The following PRR15 variants were observed in gnomAD, a reference collection of about 807,000 sequenced individuals.
PRR15 encodes proline rich 15.
PRR15 carries 4 observed loss-of-function variants against 3.0 expected under a neutral mutation model. The observed-to-expected ratio is 1.34, with a 90% CI of 0.66 to 3.08. The LOEUF is 3.08. Among genes scored for constraint, PRR15 ranks in the 30% most tolerant of loss-of-function variants. PRR15 has a pLI of 0.01. For synonymous variants in PRR15, 82 were observed against 79.8 expected (o/e 1.03, Z -0.14); for missense variants, 200 against 179.5 (o/e 1.11, Z -0.65).
intron 1 of PRR15, 43 bp from the exon 2 acceptor site, chr7:29,566,142 G>C (rs1467373190): frequency 2.9e-6 from 2 of 683,470 alleles, no homozygotes; most frequent in Non-Finnish European, 4.8e-6. Flanking sequence ...GGGGGCACGT[G>C]ACTTCAACCA....
chr7:29,566,366 T>C lies in PRR15; in HGVS notation c.37T>C (p.Trp13Arg). 1 of 1,609,962 alleles carries C rather than the reference T, an allele frequency of 6.2e-7. No individual in the cohort carries two copies. The highest frequency in any genetic ancestry group is 8.5e-7 in the Non-Finnish European group (1 of 1,179,510). Residue 13 changes from tryptophan (W) to arginine (R), a missense_variant, in exon 2 of 2, where the codon TGG becomes CGG. Transcript: ENST00000319694. The part of the protein sequence containing the change: ...DSGDAGSSGP[W>R]WKSLTNSRKK... ...CGGCGATGCTGGCAGCTCCGGCCCC[T>C]GGTGGAAATCGCTCACCAACAGCAG...
rs1208995753 is a variant in PRR15, at chr7:29,566,469, C to T, written c.140C>T (p.Pro47Leu). The T allele has an allele frequency of 3.8e-6, 6 of 1,599,228 alleles. No homozygotes were observed. Among genetic ancestry groups the T allele is most frequent in the Non-Finnish European group, 5.1e-6 (6 of 1,173,260 alleles). Reference protein sequence around the residue: ...PAPGEPTPPAPPSPDWTSSSR... With the variant: ...PAPGEPTPPALPSPDWTSSSR... Reference sequence around the variant, plus strand: ...CCCGGGGAGCCCACGCCACCTGCGCCGCCCAGCCCGGACTGGACCAGCAGC... The same window carrying T: ...CCCGGGGAGCCCACGCCACCTGCGCTGCCCAGCCCGGACTGGACCAGCAGC... Residue 47 changes from proline (P) to leucine (L), a missense_variant, in exon 2 of 2, where the codon CCG (proline) becomes CTG (leucine). Pro to Leu is a moderately conservative substitution (Grantham distance 98). Coordinates refer to ENST00000319694, the MANE Select transcript of PRR15 (RefSeq NM_175887.3).
At chr7:29,565,500 C>T (rs1298735104) in intron 1 of PRR15, 1 of 152,192 alleles carries the variant, frequency 6.6e-6, no homozygotes, top group African/African-American at 2.4e-5. Context: ...TAAGTCTAGA[C>T]ATGCTTCTTT....
Position 29,566,983 on chromosome 7 carries a change from T to A in PRR15, c.*264T>A. 4.4e-6 allele frequency: 1 copy of A among 229,348 alleles called. No homozygotes were observed. The highest frequency in any genetic ancestry group is 7.2e-6 in the Non-Finnish European group (1 of 139,184). 14.2% of individuals were successfully genotyped at this position (229,348 alleles called of 1,614,324 possible). Reference sequence around the variant, plus strand: ...CCGCGGAGGAGGGTGGCATAATTATTTTTTTTTCAAAAAGCTATTCTGGGG... The same window carrying A: ...CCGCGGAGGAGGGTGGCATAATTATATTTTTTTCAAAAAGCTATTCTGGGG... On this transcript the variant is annotated 3_prime_UTR_variant, in exon 2 of 2. Coordinates refer to ENST00000319694, the MANE Select transcript of PRR15 (RefSeq NM_175887.3).
intron 1 of PRR15, chr7:29,565,608 CTAAG>C (rs1390022291): frequency 6.6e-6 from 1 of 152,210 alleles, no homozygotes; most frequent in African/African-American, 2.4e-5. Context: ...ATAAATTCTC[CTAAG>C]TATCTCATCG....
rs1456341837 is a variant in PRR15 at position 29,566,732 on chromosome 7, G to C, written c.*13G>C. ...GGACAAGCAGTAGCCCCAATAGCCTGCGCGCTCCAGGACTGCCTACCCAGC... is the reference window on the plus strand; with the variant it reads ...GGACAAGCAGTAGCCCCAATAGCCTCCGCGCTCCAGGACTGCCTACCCAGC... On this transcript the variant is annotated 3_prime_UTR_variant, in exon 2 of 2. Coordinates refer to ENST00000319694, the MANE Select transcript of PRR15 (RefSeq NM_175887.3). The C allele has an allele frequency of 6.5e-7, 1 of 1,538,536 alleles. No individual in the cohort carries two copies.
intron 1 of PRR15, 57 bp from the exon 2 acceptor site, chr7:29,566,127 CT>C (rs1792896053): frequency 6.3e-6 from 4 of 634,234 alleles, no homozygotes; most frequent in African/African-American, 1.9e-5. Context: ...GGAAAGGGGA[CT>C]GGGGGGGGCA....
At chr7:29,564,952 C>A (rs1375658923) in intron 1 of PRR15, among the ~76,000 whole-genome samples, 1 of 152,234 alleles carries the variant, frequency 6.6e-6, no homozygotes, top group Admixed American at 6.5e-5. Flanking sequence ...GGAGGAGAAC[C>A]TCCTACAACA....
rs1287685849 is a variant in PRR15 at position 29,566,470 on chromosome 7, G to C, written c.141G>C (p.Pro47=). 1 of 1,598,606 alleles carries C rather than the reference G, an allele frequency of 6.3e-7. No individual in the cohort carries two copies. Among genetic ancestry groups the C allele is most frequent in the South Asian group, 1.1e-5 (1 of 89,476 alleles). ...PAPGEPTPPA[P]PSPDWTSSSR... ...CCGGGGAGCCCACGCCACCTGCGCC[G>C]CCCAGCCCGGACTGGACCAGCAGCT... Residue 47 remains proline, a synonymous_variant, in exon 2 of 2, where the codon CCG becomes CCC. Coordinates refer to ENST00000319694, the MANE Select transcript of PRR15 (RefSeq NM_175887.3).
At position 29,566,307 on chromosome 7, in the gene PRR15, G is replaced by T; in HGVS notation, c.-23G>T. 1 of 1,587,590 alleles carries T rather than the reference G, an allele frequency of 6.3e-7. No individual in the cohort carries two copies. Among genetic ancestry groups the T allele is most frequent in the South Asian group, 1.1e-5 (1 of 88,530 alleles). On this transcript the variant is annotated 5_prime_UTR_variant, in exon 2 of 2. Transcript: ENST00000319694. ...GCTTTGGCCCTTCCATCTGGGTGCC[G>T]GGAGCCCCTAGGCCCTCCGGCCATG...
In PRR15 at chr7:29,566,524, C is replaced by A. The variant is rs540100974; in HGVS notation, c.195C>A (p.Leu65=). Residue 65 remains leucine (L), a synonymous_variant, in exon 2 of 2, where the codon CTC becomes CTA. Coordinates refer to ENST00000319694, the MANE Select transcript of PRR15 (RefSeq NM_175887.3). ...SSRENQHPNL[L]GGAGEPPKPD... ...GGGAGAACCAGCACCCCAATCTCCT[C>A]GGGGGCGCCGGCGAGCCCCCCAAAC... The A allele has an allele frequency of 1.2e-5, 19 of 1,604,814 alleles. No homozygotes were observed. The highest frequency in any genetic ancestry group is 1.6e-5 in the Non-Finnish European group (19 of 1,176,060).
rs765890507 is a variant in PRR15, at chr7:29,566,510, CA to C, written c.182del (p.His61ProfsTer29). ...DWTSSSRENQ[H>X]PNLLGGAGEP... ...GACCAGCAGCTCCCGGGAGAACCAG[CA>C]CCCCAATCTCCTCGGGGGCGCCGGC... is the stretch of plus-strand genomic sequence containing the variant. On this transcript the variant is annotated frameshift_variant, in exon 2 of 2. Transcript: ENST00000319694. LOFTEE classifies it high-confidence loss of function. 2.0e-5 allele frequency: 32 copies of C among 1,602,912 alleles called. No individual in the cohort carries two copies. Among genetic ancestry groups the C allele is most frequent in the Non-Finnish European group, 2.7e-5 (32 of 1,175,014 alleles).
In PRR15 at chr7:29,563,959, C is replaced by T. The variant is rs1301161058; in HGVS notation, c.-564C>T. 3 of 152,288 alleles carry T rather than the reference C, an allele frequency of 2.0e-5. No homozygotes were observed. Among genetic ancestry groups the T allele is most frequent in the Non-Finnish European group, 2.9e-5 (2 of 68,082 alleles). 9.4% of individuals were successfully genotyped at this position (152,288 alleles called of 1,614,324 possible). Reference sequence around the variant, plus strand: ...GGACGCGTAGGCAAGTTCGATGCGCCGGAGTGAACAGCCAGGGTCCCATCT... The same window carrying T: ...GGACGCGTAGGCAAGTTCGATGCGCTGGAGTGAACAGCCAGGGTCCCATCT... On this transcript the variant is annotated 5_prime_UTR_variant, in exon 1 of 2. Coordinates refer to ENST00000319694, the MANE Select transcript of PRR15 (RefSeq NM_175887.3).
At position 29,564,248 on chromosome 7, in the gene PRR15, A is replaced by T. The variant is rs1476682784; in HGVS notation, c.-275A>T. The T allele has an allele frequency of 6.6e-6, 1 of 152,234 alleles. No individual in the cohort carries two copies. The highest frequency in any genetic ancestry group is 1.5e-5 in the Non-Finnish European group (1 of 68,074). The allele number at this position is 152,234 out of a possible 1,614,324, so 9.4% of individuals were successfully genotyped here. On this transcript the variant is annotated 5_prime_UTR_variant, in exon 1 of 2. Coordinates refer to ENST00000319694, the MANE Select transcript of PRR15 (RefSeq NM_175887.3). ...GAATTCCGACCTGTACACTTTCCAG[A>T]AGCCTGATCTCTCCAAGTCCGCGCC...
In PRR15 at chr7:29,566,833, C is replaced by T. The variant is rs1792923474; in HGVS notation, c.*114C>T. ...ACGCGTTGTCTCATTCCACCAAATT[C>T]AGAATATTTACACAATGCCTTCATG... On this transcript the variant is annotated 3_prime_UTR_variant, in exon 2 of 2. Transcript: ENST00000319694. The T allele has an allele frequency of 1.9e-6, 2 of 1,062,804 alleles. No homozygotes were observed. The highest frequency in any genetic ancestry group is 1.8e-5 in the South Asian group (1 of 55,142). 65.8% of individuals were successfully genotyped at this position (1,062,804 alleles called of 1,614,324 possible). A position where few individuals can be genotyped will look rare whatever the true frequency, so the allele number is the denominator to read the frequency against.
intron 1 of PRR15, among the ~76,000 whole-genome samples, chr7:29,565,240 G>T (rs191237719): frequency 7.1e-4 from 108 of 152,350 alleles, no homozygotes; most frequent in Middle Eastern, 6.8e-3. Context: ...GTTCCTTGTT[G>T]CGTTCTTTCT....
chr7:29,564,589 C>A (rs565284315), intron 1 of PRR15, among the ~76,000 whole-genome samples: 1 of 152,288 alleles, frequency 6.6e-6, no homozygotes, highest in East Asian at 1.9e-4. Flanking sequence ...TCCGTGCTCA[C>A]AAAGTTGATG....
chr7:29,566,851 C>A lies in PRR15; in HGVS notation c.*132C>A, dbSNP rs185105167. ...CCAAATTCAGAATATTTACACAATG[C>A]CTTCATGATTTTATTTTTCTGGAAA... On this transcript the variant is annotated 3_prime_UTR_variant, in exon 2 of 2. Transcript: ENST00000319694. The A allele has an allele frequency of 1.9e-4, 159 of 847,994 alleles. No individual in the cohort carries two copies. Among genetic ancestry groups the A allele is most frequent in the Non-Finnish European group, 2.6e-4 (148 of 568,390 alleles). The allele number at this position is 847,994 out of a possible 1,614,324, so 52.5% of individuals were successfully genotyped here. A position where few individuals can be genotyped will look rare whatever the true frequency, so the allele number is the denominator to read the frequency against.
chr7:29,566,239 A>C lies in PRR15; in HGVS notation c.-91A>C. On this transcript the variant is annotated 5_prime_UTR_variant, in exon 2 of 2. Transcript: ENST00000319694. Reference sequence around the variant, plus strand: ...CAGCCCACGTGTGGCAAGCCGGGGAAGGGGTGGAGTGAACGGCCGGAGACC... The same window carrying C: ...CAGCCCACGTGTGGCAAGCCGGGGACGGGGTGGAGTGAACGGCCGGAGACC... 8 of 1,358,846 alleles carry C rather than the reference A, an allele frequency of 5.9e-6. No homozygotes were observed. Among genetic ancestry groups the C allele is most frequent in the Non-Finnish European group, 6.8e-6 (7 of 1,022,434 alleles). The allele number at this position is 1,358,846 out of a possible 1,614,324, so 84.2% of individuals were successfully genotyped here. A position where few individuals can be genotyped will look rare whatever the true frequency, so the allele number is the denominator to read the frequency against.
Sources: allele counts gnomAD v4.1 joint callset (sites outside exome capture counted in the v4.1 genomes callset), GRCh38; gene constraint gnomAD v4.1.1; transcripts MANE v1.5; gene names NCBI Gene and HGNC (gene_info 2026-07-23, HGNC 2026-07-21).